The following CNR2 variants were observed in gnomAD, a reference collection of about 807,000 sequenced individuals.
CNR2 encodes cannabinoid receptor 2.
For synonymous variants in CNR2, 172 were observed against 182.2 expected (o/e 0.94, Z 0.45); for missense variants, 379 against 439.9 (o/e 0.86, Z 1.24).
rs16860719 is a variant in CNR2 at position 23,910,323 on chromosome 1, T to C, written c.-46+2923A>G. ...CTCACCTTGCAAATGTGGTTAGTGATAGCAGCCCCCTCCTAGGCTGTGGTG... is the reference window on the plus strand; with the variant it reads ...CTCACCTTGCAAATGTGGTTAGTGACAGCAGCCCCCTCCTAGGCTGTGGTG... On this transcript the variant is annotated intron_variant, in intron 1 of 1. Coordinates refer to ENST00000374472, the MANE Select transcript of CNR2 (RefSeq NM_001841.3). 8.8e-3 allele frequency among the ~76,000 whole-genome samples: 1,331 copies of C among 151,668 alleles called. 15 individuals carry two copies. Among genetic ancestry groups the C allele is most frequent in the Middle Eastern group, 0.028 (8 of 290 alleles).
In CNR2 at chr1:23,875,017, G is replaced by T; in HGVS notation, c.601C>A (p.Leu201Ile). 6.2e-7 allele frequency: 1 copy of T among 1,609,274 alleles called. No individual in the cohort carries two copies. Among genetic ancestry groups the T allele is most frequent in the Non-Finnish European group, 8.5e-7 (1 of 1,177,708 alleles). Residue 201 changes from leucine (L) to isoleucine (I), a missense_variant, in exon 2 of 2, where the codon CTC becomes ATC. By Grantham distance (5) the Leu-to-Ile change is conservative (BLOSUM62 2). Transcript: ENST00000374472. ...LLSWLLFIAF[L>I]FSGIIYTYGH... ...TAGGTGTAGATGATTCCGGAAAAGA[G>T]GAAGGCGATGAACAGGAGCCAGCTC...
intron 1 of CNR2, among the ~76,000 whole-genome samples, chr1:23,876,509 T>G (rs1189104459): frequency 6.6e-6 from 1 of 151,732 alleles, no homozygotes; most frequent in Non-Finnish European, 1.5e-5. Context: ...GGCCAAAACA[T>G]TTTATACTAG....
chr1:23,910,452 C>T (rs1286649880), intron 1 of CNR2, among the ~76,000 whole-genome samples: 1 of 151,450 alleles, frequency 6.6e-6, no homozygotes, highest in Non-Finnish European at 1.5e-5. Flanking sequence ...ATCGGGAGCT[C>T]GAGACCAGCC....
chr1:23,874,464 A>G lies in CNR2; in HGVS notation c.*71T>C. 1 of 1,498,096 alleles carries G rather than the reference A, an allele frequency of 6.7e-7. No homozygotes were observed. Among genetic ancestry groups the G allele is most frequent in the Non-Finnish European group, 9.0e-7 (1 of 1,109,930 alleles). The allele number at this position is 1,498,096 out of a possible 1,614,324, so 92.8% of individuals were successfully genotyped here. On this transcript the variant is annotated 3_prime_UTR_variant, in exon 2 of 2. Coordinates refer to ENST00000374472, the MANE Select transcript of CNR2 (RefSeq NM_001841.3). ...TGGTTTAAGTAAGAAGAGAGTGCCA[A>G]GACCCCTCTCTCTCTTCCAGGGAGT... is the stretch of plus-strand genomic sequence containing the variant.
At chr1:23,895,778 C>A (rs1640271058) in intron 1 of CNR2, among the ~76,000 whole-genome samples, 1 of 152,116 alleles carries the variant, frequency 6.6e-6, no homozygotes, top group African/African-American at 2.4e-5. Flanking sequence ...GCTGGGATTA[C>A]AGCGTGAGCC....
intron 1 of CNR2, among the ~76,000 whole-genome samples, chr1:23,889,295 G>A (rs115155714): frequency 1.2e-3 from 183 of 152,226 alleles, no homozygotes; most frequent in African/African-American, 4.2e-3. Flanking sequence ...TCTCAGAGCT[G>A]GAGGTAAGGA....
At chr1:23,883,037 G>C (rs1232186640) in intron 1 of CNR2, among the ~76,000 whole-genome samples, 1 of 152,090 alleles carries the variant, frequency 6.6e-6, no homozygotes, top group Non-Finnish European at 1.5e-5. Flanking sequence ...TTATAAAATA[G>C]ATGACCACAG....
Position 23,886,209 on chromosome 1 carries a change from T to A in CNR2, c.-45-10547A>T, listed in dbSNP as rs975172356. On this transcript the variant is annotated intron_variant, in intron 1 of 1. Coordinates refer to ENST00000374472, the MANE Select transcript of CNR2 (RefSeq NM_001841.3). ...ATTTCAAAAAAAAAAAAAAAAAGAA[T>A]AATATGCCTGGTGCATTATAAGAGC... Among the ~76,000 whole-genome samples the A allele has an allele frequency of 1.4e-3, 166 of 122,270 alleles. 2 individuals are homozygous for A. The highest frequency in any genetic ancestry group is 4.8e-3 in the African/African-American group (156 of 32,664). The allele number at this position is 122,270 out of a possible 152,430, so 80.2% of individuals were successfully genotyped here.
chr1:23,902,732 C>T (rs556635176), intron 1 of CNR2: 86 of 1,558,122 alleles, frequency 5.5e-5, no homozygotes, highest in South Asian at 2.3e-5. Context: ...TCTCGCGCAG[C>T]GTGGGGGACC....
intron 1 of CNR2, among the ~76,000 whole-genome samples, chr1:23,907,423 AAAAC>A (rs1399172162): frequency 1.3e-5 from 2 of 151,772 alleles, no homozygotes; most frequent in Non-Finnish European, 2.9e-5. Flanking sequence ...AAAAAAAAAA[AAAAC>A]AAGAGAAAAA....
intron 1 of CNR2, among the ~76,000 whole-genome samples, chr1:23,908,363 C>T (rs2501412): frequency 0.87 from 133,014 of 152,150 alleles, 60,726 homozygotes; most frequent in East Asian, 1. Flanking sequence ...AGCACAATCT[C>T]GGCTCACTGC....
chr1:23,892,378 A>G (rs146585395), intron 1 of CNR2, among the ~76,000 whole-genome samples: 1 of 152,278 alleles, frequency 6.6e-6, no homozygotes, highest in East Asian at 1.9e-4. Context: ...CTGGCAAAGG[A>G]GTTGTTTCCT....
chr1:23,902,878 G>A (rs1011718997), intron 1 of CNR2: 40 of 1,160,498 alleles, frequency 3.4e-5, no homozygotes, highest in Admixed American at 2.4e-4. Context: ...CTAGGACCGC[G>A]GCCGCGGCGC....
At chr1:23,892,541 T>G (rs1047345805) in intron 1 of CNR2, among the ~76,000 whole-genome samples, 10 of 152,246 alleles carry the variant, frequency 6.6e-5, no homozygotes, top group Non-Finnish European at 1.5e-4. Context: ...GACCCACTTC[T>G]GTGCTTCTTT....
At chr1:23,911,452 C>G (rs903613373) in intron 1 of CNR2, among the ~76,000 whole-genome samples, 3 of 152,098 alleles carry the variant, frequency 2.0e-5, no homozygotes, top group Admixed American at 1.3e-4. Context: ...TAGGAGGACC[C>G]AGGAGCCTCC....
intron 1 of CNR2, among the ~76,000 whole-genome samples, chr1:23,894,533 T>C (rs1182060252): frequency 6.7e-6 from 1 of 150,136 alleles, no homozygotes. Flanking sequence ...CCAGGCACAG[T>C]GGCTCACACC....
At chr1:23,893,564 A>G (rs1640227341) in intron 1 of CNR2, among the ~76,000 whole-genome samples, 1 of 152,216 alleles carries the variant, frequency 6.6e-6, no homozygotes. Flanking sequence ...GATGTGGTGG[A>G]AAGAAAACAG....
intron 1 of CNR2, among the ~76,000 whole-genome samples, chr1:23,879,542 G>A (rs2501369): frequency 0.63 from 95,435 of 151,578 alleles, 30,373 homozygotes; most frequent in African/African-American, 0.74. Context: ...CAGCCCAGGT[G>A]GTCCAGTGTG....
intron 1 of CNR2, chr1:23,902,848 G>A (rs1299964728): frequency 2.4e-6 from 3 of 1,226,916 alleles, no homozygotes; most frequent in Non-Finnish European, 3.0e-6. Context: ...TGCCCACGGC[G>A]GCGCCGGCGT....
Sources: allele counts gnomAD v4.1 joint callset (sites outside exome capture counted in the v4.1 genomes callset), GRCh38; gene constraint gnomAD v4.1.1; transcripts MANE v1.5; gene names NCBI Gene and HGNC (gene_info 2026-07-23, HGNC 2026-07-21).